The following FUBP3 variants were observed in gnomAD, a reference collection of about 807,000 sequenced individuals.
FUBP3 encodes far upstream element binding protein 3.
Under a neutral mutation model 85.6 loss-of-function variants are expected in FUBP3, and 28 were observed. The observed-to-expected ratio is 0.33, with a 90% confidence interval of 0.24 to 0.45. The LOEUF (loss-of-function observed/expected upper bound fraction) is 0.45. FUBP3 is among the 20% of genes least tolerant of loss of function. FUBP3 has a pLI of 1.00. For missense variants in FUBP3, 583 were observed against 755.1 expected, an observed-to-expected ratio of 0.77 and a Z score of 2.67; for synonymous variants, 271 against 271.4, an observed-to-expected ratio of 1.00 and a Z score of 0.01.
rs184598499 is a variant in FUBP3 at position 130,616,851 on chromosome 9, G to A, written c.567+334G>A. On this transcript the variant is annotated intron_variant, in intron 7 of 18. Transcript: ENST00000319725. This position sits in a 1 kb window ranked among gnomAD's most constrained non-coding sequence, Gnocchi z 4.7. ...AAAAGTGCAGTATTTGGAGTCAGAG[G>A]CTCTGACCCAGCATTCTTCCTCACT... is the stretch of plus-strand genomic sequence containing the variant. Among the ~76,000 whole-genome samples the A allele has an allele frequency of 8.0e-4, 122 of 152,314 alleles. No homozygotes were observed. Among genetic ancestry groups the A allele is most frequent in the African/African-American group, 2.9e-3 (119 of 41,556 alleles).
intron 1 of FUBP3, among the ~76,000 whole-genome samples, chr9:130,583,071 C>T (rs1254290678): frequency 5.9e-5 from 9 of 152,190 alleles, no homozygotes; most frequent in African/African-American, 1.4e-4. Flanking sequence ...AGAGTTCGTT[C>T]GGCATCACGG....
intron 8 of FUBP3, among the ~76,000 whole-genome samples, chr9:130,619,419 A>G (rs1363575688): frequency 6.7e-6 from 1 of 150,012 alleles, no homozygotes; most frequent in Non-Finnish European, 1.5e-5. Flanking sequence ...GTGTTTCTTT[A>G]CCATTGAAGT....
chr9:130,589,334 ATTAT>A (rs571009997), intron 1 of FUBP3, among the ~76,000 whole-genome samples: 30 of 150,860 alleles, frequency 2.0e-4, no homozygotes, highest in East Asian at 4.0e-4. Flanking sequence ...TTAAATTTAC[ATTAT>A]TTATTTATTT....
intron 11 of FUBP3, among the ~76,000 whole-genome samples, chr9:130,625,082 G>C (rs1239827745): frequency 6.6e-6 from 1 of 152,206 alleles, no homozygotes; most frequent in Non-Finnish European, 1.5e-5. Context: ...GGTGGCGCAT[G>C]CCTATAGTTT....
chr9:130,630,353 G>A (rs1017320873), intron 12 of FUBP3, among the ~76,000 whole-genome samples: 1 of 152,214 alleles, frequency 6.6e-6, no homozygotes, highest in Non-Finnish European at 1.5e-5. Context: ...GGCCACTCAC[G>A]ACCTTCACAT....
intron 2 of FUBP3, among the ~76,000 whole-genome samples, chr9:130,609,437 G>T (rs1831631201): frequency 2.0e-5 from 3 of 151,770 alleles, no homozygotes; most frequent in African/African-American, 7.3e-5. Flanking sequence ...TTATGGTCTT[G>T]GGGGTGGGGG....
At chr9:130,629,601 A>G (rs554891795) in intron 12 of FUBP3, among the ~76,000 whole-genome samples, 1 of 152,128 alleles carries the variant, frequency 6.6e-6, no homozygotes, top group African/African-American at 2.4e-5. Flanking sequence ...GGTAGAGAGA[A>G]GCTTGGAGTG....
At chr9:130,601,242 C>T (rs1312626927) in intron 2 of FUBP3, among the ~76,000 whole-genome samples, 1 of 152,174 alleles carries the variant, frequency 6.6e-6, no homozygotes, top group Non-Finnish European at 1.5e-5. Flanking sequence ...AAACAAGTCT[C>T]CCGTCTCATG....
chr9:130,618,911 G>A (rs769796285), intron 8 of FUBP3, among the ~76,000 whole-genome samples: 7 of 152,196 alleles, frequency 4.6e-5, no homozygotes, highest in Non-Finnish European at 7.3e-5. Flanking sequence ...TTCTGCCTGG[G>A]GACTCCAGTC....
At chr9:130,581,764 C>T (rs1435089772) in intron 1 of FUBP3, 1 of 152,184 alleles carries the variant, frequency 6.6e-6, no homozygotes, top group Non-Finnish European at 1.5e-5. Context: ...TTTTATGTCT[C>T]CTCATAAACT....
intron 2 of FUBP3, among the ~76,000 whole-genome samples, chr9:130,606,782 T>C (rs1831478729): frequency 6.6e-6 from 1 of 151,712 alleles, no homozygotes; most frequent in African/African-American, 2.4e-5. Context: ...ATCACGCCTT[T>C]GCACTCCAGC....
intron 16 of FUBP3, among the ~76,000 whole-genome samples, chr9:130,634,174 C>G (rs1385491842): frequency 6.6e-6 from 1 of 152,240 alleles, no homozygotes; most frequent in South Asian, 2.1e-4. Context: ...CAAACACATG[C>G]ACCCCCTTTC....
intron 2 of FUBP3, among the ~76,000 whole-genome samples, chr9:130,599,359 A>ATGTG (rs10532542): frequency 0.018 from 2,671 of 148,898 alleles, 81 homozygotes; most frequent in African/African-American, 0.06. Flanking sequence ...ATATAAGTAT[A>ATGTG]TGTGTGTGTG....
chr9:130,619,551 A>G (rs1055378569), intron 8 of FUBP3, among the ~76,000 whole-genome samples: 2 of 152,220 alleles, frequency 1.3e-5, no homozygotes, highest in Admixed American at 1.3e-4. Context: ...GATTTCTGCA[A>G]ATGTCCTAAG....
Position 130,595,465 on chromosome 9 carries a change from A to G in FUBP3, c.85-18A>G. 8.0e-7 allele frequency: 1 copy of G among 1,245,562 alleles called. No homozygotes were observed. Among genetic ancestry groups the G allele is most frequent in the Non-Finnish European group, 1.2e-6 (1 of 843,050 alleles). 77.2% of individuals were successfully genotyped at this position (1,245,562 alleles called of 1,614,324 possible). A position where few individuals can be genotyped will look rare whatever the true frequency, so the allele number is the denominator to read the frequency against. Reference sequence around the variant, plus strand: ...CCATGGTTTGTTACTGAGTGTTTAAATCTGATTCTCTCTGTAGATTGCTGC... The same window carrying G: ...CCATGGTTTGTTACTGAGTGTTTAAGTCTGATTCTCTCTGTAGATTGCTGC... On this transcript the variant is annotated intron_variant, in intron 1 of 18. Coordinates refer to ENST00000319725, the MANE Select transcript of FUBP3 (RefSeq NM_003934.2).
In FUBP3 at chr9:130,636,008, C is replaced by T. The variant is rs1564231782; in HGVS notation, c.1592C>T (p.Ala531Val). The T allele has an allele frequency of 1.2e-6, 2 of 1,613,832 alleles. No homozygotes were observed. Among genetic ancestry groups the T allele is most frequent in the South Asian group, 2.2e-5 (2 of 91,084 alleles). ...EDYYKKQSHAASAAPQASSPP... is the reference protein window; with the variant it reads ...EDYYKKQSHAVSAAPQASSPP... ...CTCCTTTGTCAACCAGGTCACGCCG[C>T]CAGCGCTGCTCCTCAGGCCAGCTCC... Residue 531 changes from alanine (A) to valine (V), a missense_variant, in exon 18 of 19, where the codon GCC (alanine) becomes GTC (valine). Ala to Val is a moderately conservative substitution (Grantham distance 64, BLOSUM62 0). Coordinates refer to ENST00000319725, the MANE Select transcript of FUBP3 (RefSeq NM_003934.2).
chr9:130,622,624 C>T (rs935975189), intron 9 of FUBP3, 84 bp from the exon 10 acceptor site: 11 of 598,624 alleles, frequency 1.8e-5, no homozygotes, highest in Admixed American at 8.7e-5. Context: ...GAGCGAGACT[C>T]AGTCTCAAAA....
At chr9:130,580,221 C>T (rs1190855167) in intron 1 of FUBP3, among the ~76,000 whole-genome samples, 2 of 152,170 alleles carry the variant, frequency 1.3e-5, no homozygotes, top group African/African-American at 4.8e-5. Flanking sequence ...TCGAGGGCAT[C>T]TTATATGTGA....
rs910359327 is a variant in FUBP3 at position 130,635,281 on chromosome 9, A to C, written c.1582+543A>C. Among the ~76,000 whole-genome samples the C allele has an allele frequency of 6.6e-6, 1 of 152,200 alleles. No individual in the cohort carries two copies. Among genetic ancestry groups the C allele is most frequent in the Non-Finnish European group, 1.5e-5 (1 of 68,048 alleles). On this transcript the variant is annotated intron_variant, in intron 17 of 18. Coordinates refer to ENST00000319725, the MANE Select transcript of FUBP3 (RefSeq NM_003934.2). This position sits in a 1 kb window ranked among gnomAD's most constrained non-coding sequence, Gnocchi z 4.3. Reference sequence around the variant, plus strand: ...GCCTTCAGAGCAGGGCGAGGGACCCAACAAGCAAAAGGTCTCTGGGGAGTC... The same window carrying C: ...GCCTTCAGAGCAGGGCGAGGGACCCCACAAGCAAAAGGTCTCTGGGGAGTC...
Sources: gnomAD v4.1 joint callset for allele counts (sites outside exome capture counted in the v4.1 genomes callset) on GRCh38, gnomAD v4.1.1 for gene constraint, Gnocchi (gnomAD v3.1) non-coding constraint, MANE v1.5 for transcripts, NCBI Gene and HGNC (gene_info 2026-07-23, HGNC 2026-07-21) for gene names.